Variants in ZNF678 observed in about 807,000 individuals in gnomAD.
ZNF678 encodes the protein hypothetical protein MGC42493.
Under a neutral mutation model 3.0 loss-of-function variants are expected in ZNF678, and 5 were observed. The ratio of observed to expected loss-of-function variants is 1.69; its 90% CI spans 0.88 to 3.56. ZNF678 has a LOEUF of 3.56. Ranked by LOEUF, ZNF678 falls within the 30% of genes most tolerant of loss-of-function variation. The pLI is 0.00. For missense variants in ZNF678, 593 were observed against 605.0 expected (o/e 0.98, Z 0.21); for synonymous variants, 218 against 199.6 (o/e 1.09, Z -0.78).
chr1:227,634,400 G>T (rs1332638763), intron 1 of ZNF678, among the ~76,000 whole-genome samples: 1 of 152,162 alleles, frequency 6.6e-6, no homozygotes, highest in African/African-American at 2.4e-5. Flanking sequence ...CCACAGGGAG[G>T]TATAGCACCA....
chr1:227,572,627 C>T (rs975296744), intron 1 of ZNF678, among the ~76,000 whole-genome samples: 3 of 152,224 alleles, frequency 2.0e-5, no homozygotes, highest in African/African-American at 4.8e-5. Context: ...CCATAATGTG[C>T]ACTGCCTGGC....
chr1:227,616,344 C>G (rs1468812609), intron 1 of ZNF678, among the ~76,000 whole-genome samples: 1 of 152,208 alleles, frequency 6.6e-6, no homozygotes, highest in East Asian at 1.9e-4. Flanking sequence ...CCTCTGGCCT[C>G]AGGCTCAGGG....
chr1:227,572,208 C>T (rs1250612323), intron 1 of ZNF678, among the ~76,000 whole-genome samples: 1 of 152,244 alleles, frequency 6.6e-6, no homozygotes. Flanking sequence ...AAAGAAAGGA[C>T]AGCCCCATGA....
intron 1 of ZNF678, among the ~76,000 whole-genome samples, chr1:227,588,311 A>G (rs1052822653): frequency 5.3e-5 from 8 of 152,144 alleles, no homozygotes; most frequent in African/African-American, 1.9e-4. Context: ...ATGTATCTTT[A>G]TAAAAGAATG....
In ZNF678 at chr1:227,643,863, C is replaced by CTTTTTT. The variant is rs554280668; in HGVS notation, c.-163-2668_-163-2663dup. Among the ~76,000 whole-genome samples the CTTTTTT allele has an allele frequency of 1.9e-3, 214 of 115,344 alleles. 1 individual carries two copies. The highest frequency in any genetic ancestry group is 2.3e-3 in the Non-Finnish European group (132 of 58,118). The allele number at this position is 115,344 out of a possible 152,430, so 75.7% of individuals were successfully genotyped here. ...TATATATTTTCTTTTCTTTTCTTTT[C>CTTTTTT]TTTTTTTTTTTTTTTTTTGAGATGG... On this transcript the variant is annotated intron_variant, in intron 1 of 3. Transcript: ENST00000343776.
downstream of ZNF678, among the ~76,000 whole-genome samples, chr1:227,665,782 T>G (rs1222558965): frequency 1.3e-5 from 2 of 152,196 alleles, no homozygotes; most frequent in African/African-American, 4.8e-5. Context: ...ATTTTGTGGA[T>G]TATCTTTTTC....
At chr1:227,635,713 C>T (rs1054214860) in intron 1 of ZNF678, among the ~76,000 whole-genome samples, 3 of 152,064 alleles carry the variant, frequency 2.0e-5, no homozygotes, top group African/African-American at 4.8e-5. Context: ...TTGTTGTACC[C>T]GGATGGCCTC....
In ZNF678 at chr1:227,660,593, T is replaced by C. The variant is rs1038349576; in HGVS notation, c.*4765T>C. ...ATCTTGATTTTGTATCCTGCAACTTTAGTGAATTTATTCTAAGTATTTTTA... is the reference window on the plus strand; with the variant it reads ...ATCTTGATTTTGTATCCTGCAACTTCAGTGAATTTATTCTAAGTATTTTTA... On this transcript the variant is annotated 3_prime_UTR_variant, in exon 4 of 4. Transcript: ENST00000343776. 1.3e-5 allele frequency: 2 copies of C among 152,148 alleles called. No individual in the cohort carries two copies. Among genetic ancestry groups the C allele is most frequent in the Non-Finnish European group, 2.9e-5 (2 of 68,010 alleles). The allele number at this position is 152,148 out of a possible 1,614,324, so 9.4% of individuals were successfully genotyped here. A position where few individuals can be genotyped will look rare whatever the true frequency, so the allele number is the denominator to read the frequency against.
intron 1 of ZNF678, among the ~76,000 whole-genome samples, chr1:227,577,735 A>G (rs888236013): frequency 6.6e-6 from 1 of 151,986 alleles, no homozygotes; most frequent in African/African-American, 2.4e-5. Context: ...GTCCATTTCC[A>G]TTTAAGGTTA....
In ZNF678 at chr1:227,655,803, A is replaced by G; in HGVS notation, c.1553A>G (p.Lys518Arg). The G allele has an allele frequency of 6.4e-7, 1 of 1,571,558 alleles. No individual in the cohort carries two copies. Among genetic ancestry groups the G allele is most frequent in the Non-Finnish European group, 8.6e-7 (1 of 1,163,224 alleles). Reference protein sequence around the residue: ...KRIYTGEEPDKCKKCGSL With the variant: ...KRIYTGEEPDRCKKCGSL ...ATTTATACTGGAGAGGAACCTGACAAATGTAAAAAATGTGGCAGTCTTTAA... is the reference window on the plus strand; with the variant it reads ...ATTTATACTGGAGAGGAACCTGACAGATGTAAAAAATGTGGCAGTCTTTAA... The change falls in exon 4 of 4, where the codon AAA becomes AGA. Residue 518 changes from lysine (K) to arginine (R), a missense_variant. By Grantham distance (26) the Lys-to-Arg change is conservative (BLOSUM62 2). Coordinates refer to ENST00000343776, the MANE Select transcript of ZNF678 (RefSeq NM_001367909.1).
At chr1:227,663,873 C>T (rs1295440684), downstream of ZNF678, among the ~76,000 whole-genome samples, 2 of 152,204 alleles carry the variant, frequency 1.3e-5, no homozygotes, top group African/African-American at 4.8e-5. Flanking sequence ...TGATCCCTGT[C>T]TGCAAAGACC....
At chr1:227,628,855 G>A (rs1658480694) in intron 1 of ZNF678, among the ~76,000 whole-genome samples, 1 of 152,194 alleles carries the variant, frequency 6.6e-6, no homozygotes. Flanking sequence ...CAACAGTCCA[G>A]GTGAGTTGAG....
Position 227,563,725 on chromosome 1 carries a change from G to T in ZNF678, c.-164+1G>T. The stretch of plus-strand genomic sequence containing the variant: ...AGGACACCCCGAAAGCCGGAAAACG[G>T]TGAGAGTTCCCGGGAGGGTGTTCCA... On this transcript the variant is annotated splice_donor_variant, in intron 1 of 3. Coordinates refer to ENST00000343776, the MANE Select transcript of ZNF678 (RefSeq NM_001367909.1). LOFTEE classifies it low-confidence loss of function (5UTR_SPLICE). The T allele has an allele frequency of 7.5e-7, 1 of 1,326,358 alleles. No homozygotes were observed. 82.2% of individuals were successfully genotyped at this position (1,326,358 alleles called of 1,614,324 possible). A position where few individuals can be genotyped will look rare whatever the true frequency, so the allele number is the denominator to read the frequency against.
At chr1:227,618,180 G>A (rs1658188293) in intron 1 of ZNF678, among the ~76,000 whole-genome samples, 1 of 152,150 alleles carries the variant, frequency 6.6e-6, no homozygotes. Flanking sequence ...CTTAAGCATG[G>A]GGCTGGGGGA....
chr1:227,612,801 C>A (rs1191557045), intron 1 of ZNF678, among the ~76,000 whole-genome samples: 2 of 152,286 alleles, frequency 1.3e-5, no homozygotes, highest in East Asian at 3.9e-4. Context: ...TTATTGCCCA[C>A]CCCAACAAAG....
chr1:227,653,578 C>A (rs1461144026), intron 3 of ZNF678, among the ~76,000 whole-genome samples: 1 of 152,020 alleles, frequency 6.6e-6, no homozygotes, highest in African/African-American at 2.4e-5. Flanking sequence ...TAATAAAATG[C>A]CACCTGTCAC....
intron 1 of ZNF678, among the ~76,000 whole-genome samples, chr1:227,610,592 A>G (rs1452107827): frequency 6.6e-6 from 1 of 152,190 alleles, no homozygotes; most frequent in Admixed American, 6.5e-5. Flanking sequence ...GGGAGGACCC[A>G]TCATTTTTTC....
chr1:227,583,510 A>G (rs2102730527), intron 1 of ZNF678, among the ~76,000 whole-genome samples: 1 of 151,870 alleles, frequency 6.6e-6, no homozygotes, highest in Admixed American at 6.6e-5. Context: ...TCCACTTTTG[A>G]TTTAACTTTG....
chr1:227,595,875 G>T (rs1466382388), intron 1 of ZNF678, among the ~76,000 whole-genome samples: 1 of 152,202 alleles, frequency 6.6e-6, no homozygotes, highest in East Asian at 1.9e-4. Context: ...CCCAAGACCA[G>T]TCCTGTCAAG....
Sources: gnomAD v4.1 joint callset for allele counts (sites outside exome capture counted in the v4.1 genomes callset) on GRCh38, gnomAD v4.1.1 for gene constraint, MANE v1.5 for transcripts, NCBI Gene and HGNC (gene_info 2026-07-23, HGNC 2026-07-21) for gene names.